CAMK1D: variants seen among roughly 807,000 people sequenced by gnomAD.
CAMK1D encodes calcium/calmodulin-dependent protein kinase type 1D.
Under a neutral mutation model 47.7 loss-of-function variants are expected in CAMK1D, and 9 were observed. The observed-to-expected ratio is 0.19, with a 90% confidence interval of 0.11 to 0.33. CAMK1D has a LOEUF of 0.33. Among genes scored for constraint, CAMK1D ranks in the 10% least tolerant of loss-of-function variants. The pLI is 1.00. For missense variants in CAMK1D, 291 were observed against 488.7 expected (o/e 0.60, Z 3.81); for synonymous variants, 184 against 184.9 (o/e 0.99, Z 0.04).
intron 4 of CAMK1D, among the ~76,000 whole-genome samples, chr10:12,766,207 C>T (rs1418242599): frequency 5.3e-5 from 8 of 152,036 alleles, no homozygotes; most frequent in South Asian, 4.1e-4. Context: ...TCAGGTGATC[C>T]GCCTGCCTCA....
chr10:12,719,177 C>T (rs1483405338), intron 3 of CAMK1D, among the ~76,000 whole-genome samples: 5 of 152,072 alleles, frequency 3.3e-5, no homozygotes, highest in African/African-American at 4.8e-5. Context: ...GAGGCTGAGG[C>T]GGGTGGATCA....
chr10:12,378,066 T>C (rs1427256167), intron 1 of CAMK1D, among the ~76,000 whole-genome samples: 1 of 152,220 alleles, frequency 6.6e-6, no homozygotes, highest in African/African-American at 2.4e-5. Context: ...CTTCACAGGC[T>C]GTGAGGCCTC....
chr10:12,582,552 C>A (rs567445075), intron 2 of CAMK1D, among the ~76,000 whole-genome samples: 66 of 152,242 alleles, frequency 4.3e-4, no homozygotes, highest in Admixed American at 1.2e-3. Context: ...TTTCTTTTAG[C>A]AGTGTCTTGT....
At chr10:12,430,105 C>T (rs769618031) in intron 1 of CAMK1D, among the ~76,000 whole-genome samples, 8 of 151,410 alleles carry the variant, frequency 5.3e-5, no homozygotes, top group Non-Finnish European at 1.2e-4. Flanking sequence ...CTTACATCCC[C>T]CACTGCCTTG....
intron 5 of CAMK1D, among the ~76,000 whole-genome samples, chr10:12,776,229 G>A (rs926918352): frequency 5.9e-5 from 9 of 152,250 alleles, no homozygotes; most frequent in Admixed American, 4.6e-4. Flanking sequence ...TTGAAAGTAG[G>A]GTTTGAGAGA....
At chr10:12,702,003 C>T (rs1216437524) in intron 3 of CAMK1D, among the ~76,000 whole-genome samples, 1 of 152,140 alleles carries the variant, frequency 6.6e-6, no homozygotes, top group Non-Finnish European at 1.5e-5. Context: ...TTATGAAGAC[C>T]CTGGAAGCAA....
At chr10:12,395,932 A>G (rs1838932746) in intron 1 of CAMK1D, among the ~76,000 whole-genome samples, 1 of 151,774 alleles carries the variant, frequency 6.6e-6, no homozygotes, top group Non-Finnish European at 1.5e-5. Flanking sequence ...GTCTCAAGAA[A>G]CAAAAAACAA....
chr10:12,708,404 G>T (rs746304293), intron 3 of CAMK1D, among the ~76,000 whole-genome samples: 24 of 152,300 alleles, frequency 1.6e-4, no homozygotes, highest in Non-Finnish European at 2.9e-4. Context: ...AGCAGAGGAA[G>T]AGTAACGCAT....
chr10:12,566,348 G>A (rs1009770590), intron 2 of CAMK1D, among the ~76,000 whole-genome samples: 1 of 152,138 alleles, frequency 6.6e-6, no homozygotes, highest in African/African-American at 2.4e-5. Context: ...AGGCAGCAGC[G>A]ATGAGGTGGC....
At chr10:12,465,881 C>T (rs2132064067) in intron 1 of CAMK1D, among the ~76,000 whole-genome samples, 1 of 152,278 alleles carries the variant, frequency 6.6e-6, no homozygotes, top group South Asian at 2.1e-4. Flanking sequence ...CTCTCTCTTT[C>T]TCTTTAGATT....
At chr10:12,399,908 G>A (rs1424170297) in intron 1 of CAMK1D, among the ~76,000 whole-genome samples, 1 of 152,132 alleles carries the variant, frequency 6.6e-6, no homozygotes, top group African/African-American at 2.4e-5. Flanking sequence ...AACAATATGT[G>A]TTAAATGACA....
chr10:12,662,299 T>C (rs186891080), intron 2 of CAMK1D, among the ~76,000 whole-genome samples: 8 of 152,278 alleles, frequency 5.3e-5, no homozygotes, highest in Non-Finnish European at 1.0e-4. Context: ...TCCAGAATGA[T>C]TGGATTTAAT....
intron 1 of CAMK1D, among the ~76,000 whole-genome samples, chr10:12,369,084 GGATTACA>G (rs1837934878): frequency 6.6e-6 from 1 of 152,090 alleles, no homozygotes; most frequent in African/African-American, 2.4e-5. Context: ...CAAAGTGCTG[GGATTACA>G]GGTGTGAGCC....
intron 3 of CAMK1D, among the ~76,000 whole-genome samples, chr10:12,751,061 GATA>G (rs1835929224): frequency 7.2e-4 from 1 of 1,384 alleles, no homozygotes; most frequent in African/African-American, 7.0e-3. Context: ...AATAAGATAA[GATA>G]AGATAAGATA....
intron 2 of CAMK1D, among the ~76,000 whole-genome samples, chr10:12,644,664 G>A (rs1262235574): frequency 1.3e-5 from 2 of 152,116 alleles, no homozygotes; most frequent in East Asian, 1.9e-4. Context: ...CAATACGGAG[G>A]CTTCCCTCTG....
chr10:12,647,063 G>A lies in CAMK1D; in HGVS notation c.225-19673G>A, dbSNP rs374913164. ...TCACCGTGTTGGCCAGGCTGGTCTC[G>A]AACTCCTGACTTTGTGATCCGCCCA... On this transcript the variant is annotated intron_variant, in intron 2 of 10. Coordinates refer to ENST00000619168, the MANE Select transcript of CAMK1D (RefSeq NM_153498.4). 1.8e-3 allele frequency among the ~76,000 whole-genome samples: 269 copies of A among 150,412 alleles called. 2 individuals carry two copies. Among genetic ancestry groups the A allele is most frequent in the Middle Eastern group, 0.018 (5 of 282 alleles).
intron 1 of CAMK1D, among the ~76,000 whole-genome samples, chr10:12,397,876 T>TCTTTAC (rs1839019910): frequency 1.3e-5 from 2 of 152,170 alleles, no homozygotes; most frequent in Non-Finnish European, 2.9e-5. Context: ...TTGAAAAATG[T>TCTTTAC]AAAGACCTGG....
At chr10:12,639,185 T>G (rs1839597938) in intron 2 of CAMK1D, among the ~76,000 whole-genome samples, 2 of 152,224 alleles carry the variant, frequency 1.3e-5, no homozygotes, top group Non-Finnish European at 2.9e-5. Flanking sequence ...ATAGAGAAGC[T>G]TTTAAAAAGA....
Position 12,428,193 on chromosome 10 carries a change from C to G in CAMK1D, c.92+78283C>G, listed in dbSNP as rs562091673. Among the ~76,000 whole-genome samples, 13 of 152,168 alleles carry G rather than the reference C, an allele frequency of 8.5e-5. No individual in the cohort carries two copies. The South Asian group carries it at 2.7e-3, about 32-fold the overall frequency. Reference sequence around the variant, plus strand: ...CCCTATCCCGCCATCCCCTGACAGGCCCAGGTGTGTGATGTTCCCCTCCCT... The same window carrying G: ...CCCTATCCCGCCATCCCCTGACAGGGCCAGGTGTGTGATGTTCCCCTCCCT... On this transcript the variant is annotated intron_variant, in intron 1 of 10. Coordinates refer to ENST00000619168, the MANE Select transcript of CAMK1D (RefSeq NM_153498.4).
Sources: allele counts gnomAD v4.1 joint callset (sites outside exome capture counted in the v4.1 genomes callset), GRCh38; gene constraint gnomAD v4.1.1; transcripts MANE v1.5; gene names NCBI Gene and HGNC (gene_info 2026-07-23, HGNC 2026-07-21).